The following GPN3 variants were observed in gnomAD, a reference collection of about 807,000 sequenced individuals.
GPN3 encodes the protein GPN-loop GTPase 3.
GPN3 carries 31 observed loss-of-function variants against 38.7 expected under a neutral mutation model. The observed-to-expected ratio is 0.80, with a 90% confidence interval of 0.60 to 1.08. The LOEUF is 1.08. Among genes scored for constraint, GPN3 ranks in the 50% least tolerant of loss-of-function variants. GPN3 has a pLI of 0.00. For synonymous variants in GPN3, 116 were observed against 120.2 expected, an observed-to-expected ratio of 0.96 and a Z score of 0.23; for missense variants, 301 against 354.4, an observed-to-expected ratio of 0.85 and a Z score of 1.21.
chr12:110,461,642 T>C (rs2062590902), intron 2 of GPN3, among the ~76,000 whole-genome samples: 1 of 151,950 alleles, frequency 6.6e-6, no homozygotes. Context: ...AAAATTCTGG[T>C]ATGGTTATCT....
chr12:110,460,845 T>C, intron 2 of GPN3: 1 of 605,636 alleles, frequency 1.7e-6, no homozygotes, highest in East Asian at 2.8e-5. Flanking sequence ...ACGCCTGTAG[T>C]TCTAGCCACT....
chr12:110,459,074 A>G (rs1339718363), intron 3 of GPN3, among the ~76,000 whole-genome samples: 1 of 152,122 alleles, frequency 6.6e-6, no homozygotes, highest in East Asian at 1.9e-4. Context: ...ACTCCTGTGG[A>G]ATACTCAATG....
chr12:110,464,038 T>C (rs777299793), intron 2 of GPN3, among the ~76,000 whole-genome samples: 1 of 152,096 alleles, frequency 6.6e-6, no homozygotes, highest in Non-Finnish European at 1.5e-5. Flanking sequence ...TCTTGCAATG[T>C]TGCCCAGGCT....
upstream of GPN3, chr12:110,468,462 G>T: frequency 6.5e-7 from 1 of 1,537,028 alleles, no homozygotes; most frequent in Non-Finnish European, 8.7e-7. Flanking sequence ...TGCTGTCTAA[G>T]CTTGGATACC....
intron 6 of GPN3, among the ~76,000 whole-genome samples, chr12:110,454,371 A>C (rs1401737997): frequency 6.6e-6 from 1 of 150,466 alleles, no homozygotes; most frequent in Non-Finnish European, 1.5e-5. Flanking sequence ...AACCCAAAAA[A>C]CTTCATCTTT....
chr12:110,463,424 C>G (rs1256685181), intron 2 of GPN3, among the ~76,000 whole-genome samples: 3 of 148,732 alleles, frequency 2.0e-5, no homozygotes, highest in African/African-American at 7.6e-5. Context: ...TACTATATAG[C>G]CTGGGTGACA....
intron 4 of GPN3, 126 bp from the exon 5 acceptor site, chr12:110,456,056 G>C: frequency 1.6e-6 from 1 of 609,500 alleles, no homozygotes; most frequent in Non-Finnish European, 2.9e-6. Flanking sequence ...CAAGCTGGAC[G>C]TGGTGGCTCA....
intron 6 of GPN3, among the ~76,000 whole-genome samples, chr12:110,455,114 G>A (rs928367857): frequency 1.3e-5 from 2 of 151,242 alleles, no homozygotes; most frequent in African/African-American, 4.9e-5. Flanking sequence ...GTAAGTCACC[G>A]CGCCTGGCCT....
chr12:110,468,063 AG>A, intron 1 of GPN3, 92 bp downstream of exon 1: 2 of 1,583,516 alleles, frequency 1.3e-6, no homozygotes, highest in Non-Finnish European at 1.7e-6. Flanking sequence ...CAGGGTTCCC[AG>A]TACACACACC....
rs767966224 is a variant in GPN3 at position 110,468,144 on chromosome 12, G to A, written c.48+12C>T. The A allele has an allele frequency of 1.8e-5, 29 of 1,613,718 alleles. 1 individual carries two copies. Among genetic ancestry groups the A allele is most frequent in the South Asian group, 3.3e-5 (3 of 91,084 alleles). On this transcript the variant is annotated intron_variant, in intron 1 of 7. Coordinates refer to ENST00000228827, the MANE Select transcript of GPN3 (RefSeq NM_016301.4). ...CTCCTACTTTTCTCTCCTTGTCCCC[G>A]CAGATCCTCACCTTCCCGCTGCCCG...
At chr12:110,459,349 T>C (rs1443448974) in intron 3 of GPN3, among the ~76,000 whole-genome samples, 1 of 152,030 alleles carries the variant, frequency 6.6e-6, no homozygotes, top group Non-Finnish European at 1.5e-5. Context: ...CATGCCATTC[T>C]CTTGCCTCAG....
intron 2 of GPN3, among the ~76,000 whole-genome samples, chr12:110,464,148 G>C (rs56408169): frequency 0.037 from 5,563 of 152,008 alleles, 140 homozygotes; most frequent in Middle Eastern, 0.061. Context: ...CATATTTATT[G>C]ATCTAAATGT....
At chr12:110,454,018 GAC>G (rs2062532593) in intron 6 of GPN3, 147 bp from the exon 7 acceptor site, 1 of 603,612 alleles carries the variant, frequency 1.7e-6, no homozygotes, top group African/African-American at 1.9e-5. Flanking sequence ...GGGATAGCTA[GAC>G]ACAGAGAGTA....
At position 110,455,886 on chromosome 12, in the gene GPN3, T is replaced by C; in HGVS notation, c.495A>G (p.Leu165=). 1.2e-6 allele frequency: 2 copies of C among 1,610,914 alleles called. No individual in the cohort carries two copies. Among genetic ancestry groups the C allele is most frequent in the South Asian group, 2.2e-5 (2 of 91,026 alleles). ...ILAALSAMIS[L]EIPQVNIMTK... ...TCATGATGTTGACTTGCGGAATTTC[T>C]AGAGAGATCATGGCACTCAGGGCTG... The change falls in exon 5 of 8, where the codon CTA becomes CTG. Residue 165 remains leucine, a synonymous_variant. Coordinates refer to ENST00000228827, the MANE Select transcript of GPN3 (RefSeq NM_016301.4).
At chr12:110,456,346 A>G (rs867832246) in intron 4 of GPN3, among the ~76,000 whole-genome samples, 94 of 151,744 alleles carry the variant, frequency 6.2e-4, no homozygotes, top group African/African-American at 2.2e-3. Context: ...AAAAAAAAAA[A>G]AAAAGAAATG....
chr12:110,453,849 C>G lies in GPN3; in HGVS notation c.686G>C (p.Arg229Pro). 6.2e-7 allele frequency: 1 copy of G among 1,608,054 alleles called. No homozygotes were observed. The highest frequency in any genetic ancestry group is 1.3e-5 in the African/African-American group (1 of 74,882). Residue 229 changes from arginine (R) to proline (P), a missense_variant, in exon 7 of 8, where the codon CGA (arginine) becomes CCA (proline). Coordinates refer to ENST00000228827, the MANE Select transcript of GPN3 (RefSeq NM_016301.4). ...ATCTGACTGATCGTAAGGTAAAAAT[C>G]GAACCATGCTGTAGTCATCAATCTA... ...CGLIDDYSMV[R>P]FLPYDQSDEE...
Position 110,460,607 on chromosome 12 carries a change from G to A in GPN3, c.158-745C>T, listed in dbSNP as rs148795333. Among the ~76,000 whole-genome samples, 461 of 152,214 alleles carry A rather than the reference G, an allele frequency of 3.0e-3. 1 individual carries two copies. Among genetic ancestry groups the A allele is most frequent in the Admixed American group, 4.7e-3 (71 of 15,268 alleles). On this transcript the variant is annotated intron_variant, in intron 2 of 7. Transcript: ENST00000228827. ...TCCCAGCACTTTGGATGAGGCAGGC[G>A]GATCACTTGAGGTCAGGAGTTCAAG... is the stretch of plus-strand genomic sequence containing the variant.
rs190853671 is a variant in GPN3 at position 110,466,110 on chromosome 12, T to C, written c.49-896A>G. ...AAAAAAAGTCTCTAGGCTACTTGTC[T>C]GTGTCATACTCTGTTTAAAGGCAGA... On this transcript the variant is annotated intron_variant, in intron 1 of 7. Transcript: ENST00000228827. Among the ~76,000 whole-genome samples the C allele has an allele frequency of 5.9e-3, 904 of 152,050 alleles. 3 individuals carry two copies. The highest frequency in any genetic ancestry group is 0.01 in the Middle Eastern group (3 of 294).
chr12:110,455,552 A>T (rs766850044), intron 6 of GPN3, 34 bp downstream of exon 6: 1 of 877,084 alleles, frequency 1.1e-6, no homozygotes, highest in Non-Finnish European at 1.9e-6. Context: ...TAGCCACTGC[A>T]CCTGGCCAAA....
Sources: allele counts gnomAD v4.1 joint callset (sites outside exome capture counted in the v4.1 genomes callset), GRCh38; gene constraint gnomAD v4.1.1; transcripts MANE v1.5; gene names NCBI Gene and HGNC (gene_info 2026-07-23, HGNC 2026-07-21).